APTX: variants seen among roughly 807,000 people sequenced by gnomAD.
APTX encodes aprataxin.
A neutral mutation model predicts 42.3 loss-of-function variants in APTX; 33 were observed. The ratio of observed to expected loss-of-function variants is 0.78; its 90% CI spans 0.59 to 1.04. The LOEUF (loss-of-function observed/expected upper bound fraction) is 1.04. Among genes scored for constraint, APTX ranks in the 50% least tolerant of loss-of-function variants. The pLI is 0.00. For synonymous variants in APTX, 130 were observed against 146.7 expected, an observed-to-expected ratio of 0.89 and a Z score of 0.82; for missense variants, 421 against 415.1, an observed-to-expected ratio of 1.01 and a Z score of -0.12.
chr9:32,995,506 T>C (rs2119001821), intron 1 of APTX, among the ~76,000 whole-genome samples: 1 of 152,328 alleles, frequency 6.6e-6, no homozygotes, highest in African/African-American at 2.4e-5. Flanking sequence ...CTTTAATGGA[T>C]GAGGAGTTGC....
chr9:33,012,145 T>A (rs183022709), intron 1 of APTX, among the ~76,000 whole-genome samples: 2 of 152,214 alleles, frequency 1.3e-5, no homozygotes, highest in African/African-American at 4.8e-5. Context: ...TCTGCTTTCA[T>A]AGAATAATAT....
intron 1 of APTX, among the ~76,000 whole-genome samples, chr9:33,013,426 A>G (rs976590450): frequency 3.3e-5 from 5 of 152,170 alleles, no homozygotes; most frequent in African/African-American, 1.2e-4. Flanking sequence ...AAAAAAGAAA[A>G]AGGTAAAGTT....
At chr9:32,985,852 A>G (rs552593752) in intron 5 of APTX, 119 bp downstream of exon 5, 1 of 969,204 alleles carries the variant, frequency 1.0e-6, no homozygotes, top group East Asian at 2.4e-5. Flanking sequence ...AGAACAGCCC[A>G]ATAAAATGAA....
intron 1 of APTX, among the ~76,000 whole-genome samples, chr9:33,021,942 A>G (rs1322017566): frequency 6.6e-6 from 1 of 151,136 alleles, no homozygotes; most frequent in East Asian, 1.9e-4. Context: ...CCTGGGCAAC[A>G]CATCAAGGCT....
chr9:33,001,559 C>G lies in APTX; in HGVS notation c.-5+8G>C, dbSNP rs779104327. The G allele has an allele frequency of 1.9e-6, 3 of 1,613,824 alleles. No homozygotes were observed. The highest frequency in any genetic ancestry group is 2.5e-6 in the Non-Finnish European group (3 of 1,180,014). On this transcript the variant is annotated splice_region_variant and intron_variant, in intron 1 of 7. Coordinates refer to ENST00000379817, the MANE Select transcript of APTX (RefSeq NM_001195248.2). ...CCAGCAGAAGAGATAGGCTGACGAC[C>G]GCCTTACCTCCAGAAGTCGGAGACG...
chr9:33,019,380 AAACT>A lies in APTX; in HGVS notation c.-5+5639_-5+5642del, dbSNP rs536339284. ...TAAAAGTCTGGCCCCAGTTAATTAA[AAACT>A]AAATATTCTAAGAAATTTAAATTAA... On this transcript the variant is annotated intron_variant, in intron 1 of 6. Transcript: ENST00000436040. 2.8e-3 allele frequency among the ~76,000 whole-genome samples: 419 copies of A among 152,316 alleles called. 2 individuals are homozygous for A. Among genetic ancestry groups the A allele is most frequent in the African/African-American group, 9.7e-3 (404 of 41,566 alleles).
chr9:32,977,181 G>A (rs571090192), intron 6 of APTX, among the ~76,000 whole-genome samples: 3 of 152,122 alleles, frequency 2.0e-5, no homozygotes, highest in Non-Finnish European at 4.4e-5. Context: ...ATTGATAAAA[G>A]TTTCATATCA....
rs994414292 is a variant in APTX at position 32,973,185 on chromosome 9, A to G, written c.*313T>C. The G allele has an allele frequency of 1.6e-5, 8 of 504,154 alleles. No homozygotes were observed. The highest frequency in any genetic ancestry group is 1.2e-4 in the African/African-American group (6 of 52,064). The allele number at this position is 504,154 out of a possible 1,614,324, so 31.2% of individuals were successfully genotyped here. On this transcript the variant is annotated 3_prime_UTR_variant, in exon 8 of 8. Coordinates refer to ENST00000379817, the MANE Select transcript of APTX (RefSeq NM_001195248.2). Reference sequence around the variant, plus strand: ...TGTATAACCAGCCCAATGCTTCCATACTCTGCATTAGGTCAGTGTGAACAT... The same window carrying G: ...TGTATAACCAGCCCAATGCTTCCATGCTCTGCATTAGGTCAGTGTGAACAT...
chr9:33,001,647 C>T (rs759969129), upstream of APTX: 12 of 1,611,584 alleles, frequency 7.4e-6, no homozygotes, highest in Admixed American at 3.3e-5. Flanking sequence ...ACGTCAGAGG[C>T]CGGCTGTATC....
chr9:33,006,078 T>C (rs1017698704), upstream of APTX, among the ~76,000 whole-genome samples: 1 of 151,912 alleles, frequency 6.6e-6, no homozygotes, highest in African/African-American at 2.4e-5. Flanking sequence ...TGTTTGTTTG[T>C]TTGTTTGTTT....
At chr9:32,998,533 T>C (rs1007477048) in intron 1 of APTX, among the ~76,000 whole-genome samples, 1 of 152,196 alleles carries the variant, frequency 6.6e-6, no homozygotes, top group African/African-American at 2.4e-5. Flanking sequence ...TGGAATATTA[T>C]ACAGCCATAA....
At chr9:33,017,357 G>A (rs930277853) in intron 1 of APTX, among the ~76,000 whole-genome samples, 1 of 152,194 alleles carries the variant, frequency 6.6e-6, no homozygotes, top group Non-Finnish European at 1.5e-5. Flanking sequence ...TCTCATTTGT[G>A]TAAGCTGGAA....
chr9:32,994,860 C>T (rs768539827), intron 1 of APTX, among the ~76,000 whole-genome samples: 6 of 152,126 alleles, frequency 3.9e-5, no homozygotes, highest in Non-Finnish European at 8.8e-5. Context: ...CTGAAGCCAA[C>T]GCTCATTTAC....
At position 32,993,191 on chromosome 9, in the gene APTX, C is replaced by T. The variant is rs143673011; in HGVS notation, c.-4-3296G>A. Among the ~76,000 whole-genome samples, 243 of 152,334 alleles carry T rather than the reference C, an allele frequency of 1.6e-3. 1 individual carries two copies. Among genetic ancestry groups the T allele is most frequent in the African/African-American group, 5.6e-3 (233 of 41,578 alleles). On this transcript the variant is annotated intron_variant, in intron 1 of 7. Transcript: ENST00000379817. ...CTACCCTTTCTGCCCTCCATCAATA[C>T]AGATACTTTATTCCCCCAAAGTTCT...
chr9:33,001,700 A>C, upstream of APTX: 1 of 1,525,866 alleles, frequency 6.6e-7, no homozygotes, highest in Admixed American at 1.9e-5. Context: ...GGATTGGCTG[A>C]AAGAATCTTG....
chr9:33,005,099 A>C (rs1312914835), upstream of APTX, among the ~76,000 whole-genome samples: 1 of 152,004 alleles, frequency 6.6e-6, no homozygotes, highest in East Asian at 1.9e-4. Context: ...CAAGTACTTC[A>C]TTTTTTAATG....
At chr9:33,021,364 G>A (rs944545735) in intron 1 of APTX, among the ~76,000 whole-genome samples, 3 of 152,056 alleles carry the variant, frequency 2.0e-5, no homozygotes, top group African/African-American at 7.2e-5. Context: ...TAAAATCACT[G>A]TAATCACAAT....
intron 6 of APTX, among the ~76,000 whole-genome samples, chr9:32,981,424 G>A (rs1377363306): frequency 6.6e-6 from 1 of 151,556 alleles, no homozygotes; most frequent in Non-Finnish European, 1.5e-5. Context: ...GGGTGTGTAT[G>A]TGTGTGTGTG....
At chr9:33,003,369 G>A (rs1022425717), upstream of APTX, among the ~76,000 whole-genome samples, 4 of 152,122 alleles carry the variant, frequency 2.6e-5, no homozygotes, top group Admixed American at 2.0e-4. Context: ...CTAATCACCA[G>A]AACTTTTTCA....
Sources: allele counts gnomAD v4.1 joint callset (sites outside exome capture counted in the v4.1 genomes callset), GRCh38; gene constraint gnomAD v4.1.1; transcripts MANE v1.5; gene names NCBI Gene and HGNC (gene_info 2026-07-23, HGNC 2026-07-21).